NCOA1: variants seen among roughly 807,000 people sequenced by gnomAD.
NCOA1 encodes nuclear receptor coactivator 1, also known as Hin-2 protein.
NCOA1 carries 35 observed loss-of-function variants against 150.9 expected under a neutral mutation model. That is an observed-to-expected ratio of 0.23 (90% confidence interval 0.18 to 0.31). The LOEUF is 0.31. Among genes scored for constraint, NCOA1 ranks in the 10% least tolerant of loss-of-function variants. NCOA1 has a pLI of 1.00. For missense variants in NCOA1, 1,491 were observed against 1,749.3 expected (o/e 0.85, Z 2.63); for synonymous variants, 590 against 630.0 (o/e 0.94, Z 0.95).
intron 17 of NCOA1, among the ~76,000 whole-genome samples, chr2:24,734,639 A>T (rs923962762): frequency 6.6e-6 from 1 of 151,840 alleles, no homozygotes; most frequent in Non-Finnish European, 1.5e-5. Context: ...TACCAAAAAT[A>T]AAAAAAACCA....
chr2:24,608,704 G>GTT lies in NCOA1; in HGVS notation c.-175+24161_-175+24162dup, dbSNP rs56710627. On this transcript the variant is annotated intron_variant, in intron 3 of 22. Coordinates refer to ENST00000348332, the MANE Select transcript of NCOA1 (RefSeq NM_003743.5). The stretch of plus-strand genomic sequence containing the variant: ...TTTGTTTTTTTCTTGTTGTTGTTGT[G>GTT]TTTTTTTTTTTTTTTTTTCATTTAT... 5.8e-3 allele frequency among the ~76,000 whole-genome samples: 682 copies of GTT among 117,314 alleles called. 12 individuals carry two copies. The highest frequency in any genetic ancestry group is 0.021 in the African/African-American group (641 of 30,354). The allele number at this position is 117,314 out of a possible 152,430, so 77.0% of individuals were successfully genotyped here.
chr2:24,762,910 G>A, intron 22 of NCOA1, 134 bp downstream of exon 22: 1 of 742,944 alleles, frequency 1.3e-6, no homozygotes. Flanking sequence ...CTTCTTAGCT[G>A]TGTCGTCCTG....
chr2:24,742,906 G>T (rs1385943903), intron 19 of NCOA1, among the ~76,000 whole-genome samples: 2 of 152,296 alleles, frequency 1.3e-5, no homozygotes, highest in Non-Finnish European at 2.9e-5. Flanking sequence ...CTACTCATTG[G>T]TGTCATCACT....
At chr2:24,754,038 A>G (rs908932335) in intron 20 of NCOA1, among the ~76,000 whole-genome samples, 35 of 152,136 alleles carry the variant, frequency 2.3e-4, no homozygotes, top group Non-Finnish European at 4.9e-4. Flanking sequence ...CCAGAAGAAA[A>G]GTCTTTCTCT....
At chr2:24,574,477 G>A (rs890639491) in intron 2 of NCOA1, among the ~76,000 whole-genome samples, 16 of 151,940 alleles carry the variant, frequency 1.1e-4, no homozygotes, top group African/African-American at 3.4e-4. Flanking sequence ...GGAGGTTACT[G>A]CTTTTTTTTA....
rs1391225651 is a variant in NCOA1 at position 24,763,640 on chromosome 2, AG to A, written c.4155+865del. 2.2e-4 allele frequency among the ~76,000 whole-genome samples: 6 copies of A among 26,960 alleles called. No homozygotes were observed. The East Asian group carries it at 7.4e-3, about 33-fold the overall frequency. The allele number at this position is 26,960 out of a possible 152,430, so 17.7% of individuals were successfully genotyped here. ...TCTTTTTTTTTTTTTTTTTTTTTTGAGTTGGAATTTCGCTCTTTTGCCCAGG... is the reference window on the plus strand; with the variant it reads ...TCTTTTTTTTTTTTTTTTTTTTTTGATTGGAATTTCGCTCTTTTGCCCAGG... On this transcript the variant is annotated intron_variant, in intron 22 of 22. Transcript: ENST00000348332.
At chr2:24,683,577 T>C (rs1322443986) in intron 8 of NCOA1, among the ~76,000 whole-genome samples, 1 of 152,242 alleles carries the variant, frequency 6.6e-6, no homozygotes, top group African/African-American at 2.4e-5. Flanking sequence ...TATTCGCTGC[T>C]GAGGAGCCTA....
intron 4 of NCOA1, among the ~76,000 whole-genome samples, chr2:24,653,992 A>G (rs1461930861): frequency 6.6e-6 from 1 of 152,140 alleles, no homozygotes; most frequent in Non-Finnish European, 1.5e-5. Flanking sequence ...TCATTTTTGT[A>G]TTACTAAATT....
intron 1 of NCOA1, among the ~76,000 whole-genome samples, chr2:24,531,869 G>A (rs1025235822): frequency 2.6e-5 from 4 of 152,140 alleles, no homozygotes; most frequent in Non-Finnish European, 5.9e-5. Context: ...ATGGACATTC[G>A]GGTTGGTTCC....
intron 3 of NCOA1, among the ~76,000 whole-genome samples, chr2:24,600,653 A>C (rs1304572992): frequency 6.6e-6 from 1 of 152,204 alleles, no homozygotes. Flanking sequence ...ACATATTCTT[A>C]CTATTGTCAC....
chr2:24,632,167 G>T (rs1669736574), intron 3 of NCOA1, among the ~76,000 whole-genome samples: 1 of 152,120 alleles, frequency 6.6e-6, no homozygotes, highest in Admixed American at 6.5e-5. Context: ...AGGAGAATGG[G>T]AGGGAATATG....
chr2:24,740,501 G>A (rs1269903196), intron 18 of NCOA1, among the ~76,000 whole-genome samples: 1 of 152,176 alleles, frequency 6.6e-6, no homozygotes, highest in Admixed American at 6.5e-5. Flanking sequence ...CGTGGAAGAG[G>A]TACAGTAAAA....
chr2:24,600,905 G>A (rs1403864676), intron 3 of NCOA1, among the ~76,000 whole-genome samples: 1 of 152,030 alleles, frequency 6.6e-6, no homozygotes, highest in Non-Finnish European at 1.5e-5. Flanking sequence ...TCAATATTCT[G>A]TACCTCAGTT....
At chr2:24,523,611 A>AAAAAAAAAAAAAAG (rs1664519571) in intron 1 of NCOA1, among the ~76,000 whole-genome samples, 1 of 122,754 alleles carries the variant, frequency 8.1e-6, no homozygotes, top group Non-Finnish European at 1.7e-5. Flanking sequence ...GTCTCAAAAA[A>AAAAAAAAAAAAAAG]AAAAAAAAAA....
intron 19 of NCOA1, among the ~76,000 whole-genome samples, chr2:24,745,888 G>T (rs1663891132): frequency 6.6e-6 from 1 of 152,106 alleles, no homozygotes; most frequent in Admixed American, 6.6e-5. Context: ...TTTGAACATT[G>T]TCTATACTCT....
intron 1 of NCOA1, among the ~76,000 whole-genome samples, chr2:24,499,617 G>C (rs938615117): frequency 1.3e-5 from 2 of 152,006 alleles, no homozygotes; most frequent in African/African-American, 4.8e-5. Flanking sequence ...TGTTTGTTCG[G>C]TGTAAAAATG....
At chr2:24,549,155 C>T (rs1280787125) in intron 1 of NCOA1, among the ~76,000 whole-genome samples, 1 of 152,212 alleles carries the variant, frequency 6.6e-6, no homozygotes, top group African/African-American at 2.4e-5. Context: ...GGTTCCCAAA[C>T]CCCAGTTCTT....
Position 24,518,470 on chromosome 2 carries a change from T to A in NCOA1, c.-396+26868T>A, listed in dbSNP as rs1292504794. Among the ~76,000 whole-genome samples, 3 of 151,958 alleles carry A rather than the reference T, an allele frequency of 2.0e-5. No homozygotes were observed. The East Asian group carries it at 5.8e-4, about 29-fold the overall frequency. The stretch of plus-strand genomic sequence containing the variant: ...TCTTCTTACCACTTTTCTTCCACAT[T>A]ATACTGGAGGTTCTAATCTGTATGA... On this transcript the variant is annotated intron_variant, in intron 1 of 22. Transcript: ENST00000348332.
chr2:24,711,797 G>T (rs1673761615), intron 14 of NCOA1, among the ~76,000 whole-genome samples: 1 of 152,180 alleles, frequency 6.6e-6, no homozygotes, highest in African/African-American at 2.4e-5. Flanking sequence ...AAGGCTGTCA[G>T]ATTTTTTTGC....
Sources: gnomAD v4.1 joint callset for allele counts (sites outside exome capture counted in the v4.1 genomes callset) on GRCh38, gnomAD v4.1.1 for gene constraint, MANE v1.5 for transcripts, NCBI Gene and HGNC (gene_info 2026-07-23, HGNC 2026-07-21) for gene names.